PHACTR1: variants seen among roughly 807,000 people sequenced by gnomAD.
The protein encoded by PHACTR1 is RPEL repeat containing 1.
A neutral mutation model predicts 69.2 loss-of-function variants in PHACTR1; 16 were observed. The ratio of observed to expected loss-of-function variants is 0.23; its 90% CI spans 0.16 to 0.35. PHACTR1 has a LOEUF of 0.35. PHACTR1 is among the 10% of genes least tolerant of loss of function. The pLI, the probability that PHACTR1 is intolerant of heterozygous loss-of-function variation, is 1.00. For missense variants in PHACTR1, 510 were observed against 734.7 expected, an observed-to-expected ratio of 0.69 and a Z score of 3.54; for synonymous variants, 312 against 284.5, an observed-to-expected ratio of 1.10 and a Z score of -0.97.
chr6:13,230,131 T>A lies in PHACTR1; in HGVS notation c.1329T>A (p.Leu443=). ...SKRELEEKNI[L]PRQTDEERLE... ...GAGAGCTGGAAGAAAAGAACATCCT[T>A]CCCAGGCAGACGGATGAGGAGCGGC... Residue 443 remains leucine (L), a synonymous_variant, in exon 10 of 15, where the codon CTT becomes CTA. Transcript: ENST00000332995. The A allele has an allele frequency of 1.2e-6, 2 of 1,611,774 alleles. No homozygotes were observed. The highest frequency in any genetic ancestry group is 1.7e-6 in the Non-Finnish European group (2 of 1,179,164).
At chr6:13,199,812 G>A (rs192499783) in intron 7 of PHACTR1, among the ~76,000 whole-genome samples, 145 of 152,030 alleles carry the variant, frequency 9.5e-4, no homozygotes, top group Non-Finnish European at 1.1e-3. Context: ...AAGGATATAA[G>A]ACATCTTATC....
In PHACTR1 at chr6:13,205,842, G is replaced by T. The variant is rs375270903; in HGVS notation, c.692G>T (p.Cys231Phe). ...CCTGGCGCCCCTGTGAAATTGCCTT[G>T]TCTGCCAGTGAAACTGTCGCCTCCG... ...PDPGAPVKLP[C>F]LPVKLSPPLP... is the part of the protein sequence containing the mutation. The change falls in exon 8 of 15, where the codon TGT becomes TTT. Residue 231 changes from cysteine to phenylalanine, a missense_variant. Physicochemically the swap from Cys to Phe is radical, Grantham distance 205. Coordinates refer to ENST00000332995, the MANE Select transcript of PHACTR1 (RefSeq NM_030948.6). 41 of 1,591,106 alleles carry T rather than the reference G, an allele frequency of 2.6e-5. No individual in the cohort carries two copies. Among genetic ancestry groups the T allele is most frequent in the Non-Finnish European group, 3.4e-5 (40 of 1,161,914 alleles).
At chr6:12,839,909 A>T (rs1037937346) in intron 4 of PHACTR1, among the ~76,000 whole-genome samples, 4 of 152,124 alleles carry the variant, frequency 2.6e-5, no homozygotes, top group Non-Finnish European at 5.9e-5. Context: ...AGAACAGAGG[A>T]TCATTGACTT....
In PHACTR1 at chr6:13,283,662, C is replaced by A. The variant is rs1443637781; in HGVS notation, c.1650+100C>A. ...CGTGTAGGGAGACCTGCAGCCAGGCCTCAGCCGCAGTCCCCATAATGGAGT... is the reference window on the plus strand; with the variant it reads ...CGTGTAGGGAGACCTGCAGCCAGGCATCAGCCGCAGTCCCCATAATGGAGT... On this transcript the variant is annotated intron_variant, in intron 13 of 14. Transcript: ENST00000332995. The surrounding 1 kb of genome is among the most constrained non-coding windows in gnomAD (Gnocchi z 4.7). 3 of 1,570,830 alleles carry A rather than the reference C, an allele frequency of 1.9e-6. No individual in the cohort carries two copies. Among genetic ancestry groups the A allele is most frequent in the Non-Finnish European group, 2.6e-6 (3 of 1,147,390 alleles).
rs570295659 is a variant in PHACTR1, at chr6:13,270,529, C to G, written c.1392-2331C>G. On this transcript the variant is annotated intron_variant, in intron 10 of 14. Transcript: ENST00000332995. ...GGGACTCATTCCAAGTAACAAAATA[C>G]ACTCCTGACACCCCAGAAATTCCAG... Among the ~76,000 whole-genome samples, 15 of 152,328 alleles carry G rather than the reference C, an allele frequency of 9.8e-5. No individual in the cohort carries two copies. The East Asian group carries it at 1.5e-3, about 16-fold the overall frequency.
intron 3 of PHACTR1, among the ~76,000 whole-genome samples, chr6:12,739,501 T>C (rs1211143010): frequency 6.6e-6 from 1 of 152,174 alleles, no homozygotes; most frequent in Non-Finnish European, 1.5e-5. Flanking sequence ...AACTGATTTC[T>C]GCATCTTAAT....
At chr6:13,040,677 A>G (rs1376752379) in intron 4 of PHACTR1, among the ~76,000 whole-genome samples, 2 of 152,200 alleles carry the variant, frequency 1.3e-5, no homozygotes, top group Non-Finnish European at 2.9e-5. Flanking sequence ...AGTAAAATCA[A>G]GAGTGTATAC....
rs543246476 is a variant in PHACTR1 at position 13,134,932 on chromosome 6, G to A, written c.416-25272G>A. ...ACCCGAGTACACACAGAGCCAGAGCGTAAACCCCTTCTCGCTATTTCCAGA... is the reference window on the plus strand; with the variant it reads ...ACCCGAGTACACACAGAGCCAGAGCATAAACCCCTTCTCGCTATTTCCAGA... On this transcript the variant is annotated intron_variant, in intron 5 of 14. Coordinates refer to ENST00000332995, the MANE Select transcript of PHACTR1 (RefSeq NM_030948.6). Among the ~76,000 whole-genome samples the A allele has an allele frequency of 2.8e-4, 43 of 152,102 alleles. 1 individual carries two copies. The South Asian group carries it at 7.3e-3, about 26-fold the overall frequency.
chr6:13,180,709 A>G (rs1414042021), intron 6 of PHACTR1, among the ~76,000 whole-genome samples: 1 of 152,110 alleles, frequency 6.6e-6, no homozygotes, highest in African/African-American at 2.4e-5. Flanking sequence ...TCATTATTCC[A>G]CCAACTGGGA....
chr6:12,841,170 ATGAGATAAGAAAAC>A (rs1778664492), intron 4 of PHACTR1, among the ~76,000 whole-genome samples: 1 of 152,220 alleles, frequency 6.6e-6, no homozygotes. Context: ...TCCTTATGGT[ATGAGATAAGAAAAC>A]TGAGATTTGG....
chr6:13,204,236 C>G (rs556092307), intron 7 of PHACTR1, among the ~76,000 whole-genome samples: 4 of 152,182 alleles, frequency 2.6e-5, no homozygotes. Flanking sequence ...TGGGGAGCTA[C>G]GTAATCAGAT....
intron 5 of PHACTR1, among the ~76,000 whole-genome samples, chr6:13,133,696 C>G (rs1820945729): frequency 2.0e-5 from 3 of 152,096 alleles, no homozygotes; most frequent in Admixed American, 2.0e-4. Flanking sequence ...GCCGAGATTG[C>G]AGCCTCTGCC....
At chr6:12,934,791 A>G (rs1789255712) in intron 4 of PHACTR1, among the ~76,000 whole-genome samples, 1 of 151,982 alleles carries the variant, frequency 6.6e-6, no homozygotes, top group African/African-American at 2.4e-5. Context: ...AGCCAAGATC[A>G]TGCCACTACA....
chr6:12,881,059 G>A (rs538462636), intron 4 of PHACTR1, among the ~76,000 whole-genome samples: 1 of 152,344 alleles, frequency 6.6e-6, no homozygotes, highest in South Asian at 2.1e-4. Flanking sequence ...CTGGGCGAAG[G>A]TGTGTAAAGT....
rs111672087 is a variant in PHACTR1 at position 12,911,253 on chromosome 6, C to T, written c.251-142112C>T. ...GTGATTTCCAAACTCTTTGTAGGTT[C>T]GTTTCAATTTTCTGTGTTTCTTCTA... On this transcript the variant is annotated intron_variant, in intron 4 of 14. Coordinates refer to ENST00000332995, the MANE Select transcript of PHACTR1 (RefSeq NM_030948.6). 3.2e-3 allele frequency among the ~76,000 whole-genome samples: 485 copies of T among 152,112 alleles called. 1 individual carries two copies. The highest frequency in any genetic ancestry group is 5.8e-3 in the Non-Finnish European group (394 of 67,998).
chr6:13,088,750 T>TA (rs1354851401), intron 5 of PHACTR1, among the ~76,000 whole-genome samples: 1 of 152,136 alleles, frequency 6.6e-6, no homozygotes, highest in East Asian at 1.9e-4. Flanking sequence ...CTTGTCCCCA[T>TA]AGTCACCTTG....
chr6:12,928,232 A>G (rs1378526207), intron 4 of PHACTR1, among the ~76,000 whole-genome samples: 1 of 152,172 alleles, frequency 6.6e-6, no homozygotes, highest in African/African-American at 2.4e-5. Flanking sequence ...ATGAGCAATC[A>G]TCTTCAAACA....
At chr6:13,173,271 G>A (rs558622090) in intron 6 of PHACTR1, among the ~76,000 whole-genome samples, 1 of 152,044 alleles carries the variant, frequency 6.6e-6, no homozygotes, top group African/African-American at 2.4e-5. Flanking sequence ...ATCGTTTTTT[G>A]TTTTTTTCTT....
intron 10 of PHACTR1, among the ~76,000 whole-genome samples, chr6:13,247,448 C>T (rs929406672): frequency 1.3e-5 from 2 of 151,410 alleles, no homozygotes; most frequent in Admixed American, 6.6e-5. Flanking sequence ...TGGGTTAAAG[C>T]GATTCTCCTA....
Sources: gnomAD v4.1 joint callset for allele counts (sites outside exome capture counted in the v4.1 genomes callset) on GRCh38, gnomAD v4.1.1 for gene constraint, Gnocchi (gnomAD v3.1) non-coding constraint, MANE v1.5 for transcripts, NCBI Gene and HGNC (gene_info 2026-07-23, HGNC 2026-07-21) for gene names.